Variants in CTCFL observed in about 807,000 individuals in gnomAD.
CTCFL encodes CCCTC-binding factor like, also known as transcriptional repressor CTCFL.
In CTCFL, 36 loss-of-function variants were observed where a neutral mutation model predicts 67.4. The observed-to-expected ratio is 0.53, with a 90% CI of 0.41 to 0.71. The LOEUF (loss-of-function observed/expected upper bound fraction) is 0.71. CTCFL is among the 30% of genes least tolerant of loss of function. CTCFL has a pLI of 0.00. For missense variants in CTCFL, 786 were observed against 835.2 expected (o/e 0.94, Z 0.73); for synonymous variants, 324 against 302.3 (o/e 1.07, Z -0.75).
At chr20:57,497,117 CCA>C (rs2067733745), downstream of CTCFL, 1 of 453,448 alleles carries the variant, frequency 2.2e-6, no homozygotes, top group Admixed American at 6.4e-5. Context: ...CACATTCTCT[CCA>C]GACAAAGAAG....
chr20:57,524,607 C>T (rs571976681), intron 1 of CTCFL: 2 of 1,024,250 alleles, frequency 2.0e-6, no homozygotes, highest in East Asian at 9.2e-5. Flanking sequence ...AGGTTTGGGC[C>T]CAGCAGGCTC....
rs1011838591 is a variant in CTCFL, at chr20:57,497,841, A to G, written c.*709T>C. 4.8e-5 allele frequency: 47 copies of G among 985,100 alleles called. No homozygotes were observed. The highest frequency in any genetic ancestry group is 5.3e-5 in the Non-Finnish European group (44 of 829,708). The allele number at this position is 985,100 out of a possible 1,614,324, so 61.0% of individuals were successfully genotyped here. A position where few individuals can be genotyped will look rare whatever the true frequency, so the allele number is the denominator to read the frequency against. ...TCATACCTGCCAAGGAGCATAATTA[A>G]AAGAGAATACAAAAATCTAAAGGTG... On this transcript the variant is annotated 3_prime_UTR_variant, in exon 11 of 11. Transcript: ENST00000243914.
At chr20:57,520,821 C>A (rs1480680372) in intron 3 of CTCFL, among the ~76,000 whole-genome samples, 4 of 152,174 alleles carry the variant, frequency 2.6e-5, no homozygotes, top group Non-Finnish European at 5.9e-5. Flanking sequence ...ATGCCAGATA[C>A]CTGTGAATGT....
At position 57,508,758 on chromosome 20, in the gene CTCFL, G is replaced by A; in HGVS notation, c.1522C>T (p.His508Tyr). The change falls in exon 9 of 11, where the codon CAC becomes TAC. Residue 508 changes from histidine (H) to tyrosine (Y), a missense_variant. Coordinates refer to ENST00000243914, the MANE Select transcript of CTCFL (RefSeq NM_001386993.1). ...ERHMTAHIRTHTGEKPFTCLS... is the reference protein window; with the variant it reads ...ERHMTAHIRTYTGEKPFTCLS... ...CAGGTGAATGGTTTCTCTCCAGTGTGGGTACGAATGTGAGCGGTCATATGA... is the reference window on the plus strand; with the variant it reads ...CAGGTGAATGGTTTCTCTCCAGTGTAGGTACGAATGTGAGCGGTCATATGA... 6.2e-7 allele frequency: 1 copy of A among 1,614,202 alleles called. No individual in the cohort carries two copies. The highest frequency in any genetic ancestry group is 1.7e-5 in the Admixed American group (1 of 60,016).
rs756320493 is a variant in CTCFL at position 57,523,859 on chromosome 20, C to T, written c.347G>A (p.Gly116Asp). 1.2e-5 allele frequency: 19 copies of T among 1,613,100 alleles called. No individual in the cohort carries two copies. The Admixed American group carries it at 3.2e-4, about 27-fold the overall frequency. The change falls in exon 2 of 11, where the codon GGC (glycine) becomes GAC (aspartate). Residue 116 changes from glycine to aspartate, a missense_variant. Around this residue, in one of 3 missense-constraint regions of CTCFL, gnomAD observed 333 missense variants for 304.6 expected, o/e 1.09. Transcript: ENST00000243914. ...EGVQVVVQQP[G>D]PGLLWLEEGP... is the part of the protein sequence containing the mutation. ...TTCCTCAAGCCACAGCAACCCAGGG[C>T]CAGGCTGTTGCACCACCACCTGCAC...
rs2068876796 is a variant in CTCFL, at chr20:57,515,820, CT to C, written c.1073del (p.Lys358SerfsTer28). ...CCCCAGTGTGGGATCGGACATGGCG[CT>C]TCAATTTACTTGCCTAATAAATACA... The part of the protein sequence containing the change: ...KYASVEASKL[K>X]RHVRSHTGER... On this transcript the variant is annotated frameshift_variant, in exon 6 of 11. Coordinates refer to ENST00000243914, the MANE Select transcript of CTCFL (RefSeq NM_001386993.1). LOFTEE classifies it high-confidence loss of function. 6.2e-7 allele frequency: 1 copy of C among 1,608,060 alleles called. No homozygotes were observed. Among genetic ancestry groups the C allele is most frequent in the Admixed American group, 1.7e-5 (1 of 58,408 alleles).
Position 57,497,980 on chromosome 20 carries a change from G to A in CTCFL, c.*570C>T, listed in dbSNP as rs1431544908. ...TATAAGAGTAAAACATTTTTTGGTT[G>A]AATTTAGAACTAATTAAAAGCATTA... On this transcript the variant is annotated 3_prime_UTR_variant, in exon 11 of 11. Transcript: ENST00000243914. 1.1e-6 allele frequency: 1 copy of A among 928,128 alleles called. No homozygotes were observed. The highest frequency in any genetic ancestry group is 1.3e-6 in the Non-Finnish European group (1 of 778,240). 57.5% of individuals were successfully genotyped at this position (928,128 alleles called of 1,614,324 possible).
intron 8 of CTCFL, among the ~76,000 whole-genome samples, chr20:57,511,967 C>G (rs184926255): frequency 6.6e-6 from 1 of 152,250 alleles, no homozygotes; most frequent in East Asian, 1.9e-4. Flanking sequence ...TATCTTGTTC[C>G]TTTCTTAGTG....
At chr20:57,511,110 C>G (rs1022279723) in intron 8 of CTCFL, among the ~76,000 whole-genome samples, 4 of 152,260 alleles carry the variant, frequency 2.6e-5, no homozygotes, top group East Asian at 1.9e-4. Context: ...GGTATGAACA[C>G]AGCCTACTGC....
chr20:57,500,966 A>G (rs2067881470), intron 10 of CTCFL, among the ~76,000 whole-genome samples: 1 of 152,194 alleles, frequency 6.6e-6, no homozygotes, highest in Non-Finnish European at 1.5e-5. Flanking sequence ...TTCTCCAGGG[A>G]CCCTTTAGGA....
intron 9 of CTCFL, chr20:57,507,942 A>G (rs1386831126): frequency 1.5e-6 from 1 of 669,118 alleles, no homozygotes; most frequent in Non-Finnish European, 2.7e-6. Context: ...TTTTTTTTTT[A>G]ATTAAAAAAG....
Position 57,512,461 on chromosome 20 carries a change from T to C in CTCFL, c.1491+131A>G, listed in dbSNP as rs548983893. The C allele has an allele frequency of 3.5e-6, 3 of 865,858 alleles. No individual in the cohort carries two copies. The Admixed American group carries it at 7.9e-5, about 23-fold the overall frequency. The allele number at this position is 865,858 out of a possible 1,614,324, so 53.6% of individuals were successfully genotyped here. A position where few individuals can be genotyped will look rare whatever the true frequency, so the allele number is the denominator to read the frequency against. On this transcript the variant is annotated intron_variant, in intron 8 of 10. Transcript: ENST00000243914. ...GAATGACTGGCTCACAGTTGCTTTC[T>C]GGTTATTCTGAATAGGCTACTCTAT...
intron 5 of CTCFL, among the ~76,000 whole-genome samples, chr20:57,517,031 T>A (rs1298991531): frequency 1.3e-5 from 2 of 152,066 alleles, no homozygotes; most frequent in Admixed American, 6.6e-5. Flanking sequence ...CACAGAAGCC[T>A]AAGGAACACT....
At chr20:57,508,585 C>T (rs752751540) in intron 9 of CTCFL, 21 bp downstream of exon 9, 3 of 1,610,700 alleles carry the variant, frequency 1.9e-6, no homozygotes, top group Non-Finnish European at 2.5e-6. Flanking sequence ...GGGGGATTTA[C>T]TGTGACTTAA....
At chr20:57,499,429 T>C (rs1489321608) in intron 10 of CTCFL, 2 of 153,116 alleles carry the variant, frequency 1.3e-5, no homozygotes, top group Non-Finnish European at 1.5e-5. Flanking sequence ...AACAGACCAC[T>C]GTGAGCCGAC....
At position 57,523,063 on chromosome 20, in the gene CTCFL, C is replaced by T. The variant is rs768268437; in HGVS notation, c.754+5G>A. 8 of 1,612,186 alleles carry T rather than the reference C, an allele frequency of 5.0e-6. No homozygotes were observed. In the South Asian group the frequency reaches 5.5e-5, roughly 11 times the overall value. ...GAGTGTATTCTATGAGATGAACTGG[C>T]CTACCCTTTGTCTTTCTTTGATTTT... On this transcript the variant is annotated splice_donor_5th_base_variant and intron_variant, in intron 3 of 10. Transcript: ENST00000243914.
In CTCFL at chr20:57,498,673, C is replaced by G. The variant is rs758629402; in HGVS notation, c.1869G>C (p.Thr623=). Residue 623 remains threonine (T), a synonymous_variant, in exon 11 of 11, where the codon ACG becomes ACC. Transcript: ENST00000243914. ...TCTCTCCTGGGAACTGTTCTCCCTT[C>G]GTGGTGGAAGCCTCCTCAGCAGCAG... ...DEAAAEEAST[T]KGEQFPGEMF... 1.2e-6 allele frequency: 2 copies of G among 1,613,848 alleles called. No individual in the cohort carries two copies. The highest frequency in any genetic ancestry group is 3.3e-5 in the Admixed American group (2 of 59,972).
intron 5 of CTCFL, 188 bp downstream of exon 5, chr20:57,518,569 AG>A (rs1568876030): frequency 6.9e-7 from 1 of 1,451,530 alleles, no homozygotes; most frequent in Non-Finnish European, 9.2e-7. Flanking sequence ...TAGTAATCAA[AG>A]AAACAAAGAA....
At position 57,513,752 on chromosome 20, in the gene CTCFL, T is replaced by G. The variant is rs557485116; in HGVS notation, c.1330+840A>C. ...GGTTTTCAAAAAAATTCATCTCATC[T>G]CCAGAATCTCTTTGGGCAAAAGGGT... On this transcript the variant is annotated intron_variant, in intron 7 of 10. Coordinates refer to ENST00000243914, the MANE Select transcript of CTCFL (RefSeq NM_001386993.1). 3 of 1,230,342 alleles carry G rather than the reference T, an allele frequency of 2.4e-6. No homozygotes were observed. The South Asian group carries it at 4.1e-5, about 17-fold the overall frequency. 76.2% of individuals were successfully genotyped at this position (1,230,342 alleles called of 1,614,324 possible).
Sources: gnomAD v4.1 joint callset for allele counts (sites outside exome capture counted in the v4.1 genomes callset) on GRCh38, gnomAD v4.1.1 for gene constraint, gnomAD v4.1.1 regional missense constraint, MANE v1.5 for transcripts, NCBI Gene and HGNC (gene_info 2026-07-23, HGNC 2026-07-21) for gene names.